Variants in NAV3 observed in about 807,000 individuals in gnomAD.
The protein encoded by NAV3 is pore membrane and/or filament interacting like protein 1.
A neutral mutation model predicts 244.7 loss-of-function variants in NAV3; 87 were observed. The ratio of observed to expected loss-of-function variants is 0.36; its 90% CI spans 0.30 to 0.42. NAV3 has a LOEUF of 0.42. Ranked by LOEUF, NAV3 falls within the 20% of genes least tolerant of loss-of-function variation. The pLI is 1.00. For missense variants in NAV3, 2,663 were observed against 2,893.3 expected (o/e 0.92, Z 1.83); for synonymous variants, 1,126 against 1,042.2 (o/e 1.08, Z -1.55).
At chr12:77,929,691 A>T (rs1238276507) in intron 1 of NAV3, among the ~76,000 whole-genome samples, 1 of 151,716 alleles carries the variant, frequency 6.6e-6, no homozygotes, top group Non-Finnish European at 1.5e-5. Flanking sequence ...ATGGTGCAGC[A>T]GCATGATCTC....
chr12:77,832,900 A>G lies in NAV3; in HGVS notation c.243+1196A>G, dbSNP rs540702014. Reference sequence around the variant, plus strand: ...CAGCCTCGTCTCTGGCTTCTTAGGAAATATTTTCATTTTACTCTGCTATCC... The same window carrying G: ...CAGCCTCGTCTCTGGCTTCTTAGGAGATATTTTCATTTTACTCTGCTATCC... On this transcript the variant is annotated intron_variant, in intron 1 of 39. Transcript: ENST00000397909. Among the ~76,000 whole-genome samples, 9 of 152,256 alleles carry G rather than the reference A, an allele frequency of 5.9e-5. No individual in the cohort carries two copies. The South Asian group carries it at 1.7e-3, about 28-fold the overall frequency.
At chr12:77,663,808 A>C (rs901147238) in intron 2 of NAV3, among the ~76,000 whole-genome samples, 1 of 152,240 alleles carries the variant, frequency 6.6e-6, no homozygotes, top group African/African-American at 2.4e-5. Context: ...GGCGTGAGCC[A>C]CCACTCCCAG....
At chr12:77,924,253 A>C (rs1266687193) in intron 1 of NAV3, among the ~76,000 whole-genome samples, 1 of 152,146 alleles carries the variant, frequency 6.6e-6, no homozygotes, top group East Asian at 1.9e-4. Context: ...CATGGGCAAA[A>C]CGAAGAATAG....
chr12:78,019,784 A>C (rs1301758500), intron 8 of NAV3, among the ~76,000 whole-genome samples: 1 of 152,044 alleles, frequency 6.6e-6, no homozygotes, highest in African/African-American at 2.4e-5. Flanking sequence ...GTTGCGTGGG[A>C]CCCAACCATG....
intron 1 of NAV3, among the ~76,000 whole-genome samples, chr12:77,877,504 A>G (rs1325755223): frequency 6.6e-6 from 1 of 152,166 alleles, no homozygotes; most frequent in Non-Finnish European, 1.5e-5. Flanking sequence ...GGATATAAAA[A>G]AGTAGGTTTA....
chr12:77,654,690 A>C (rs1287861413), intron 2 of NAV3, among the ~76,000 whole-genome samples: 1 of 152,132 alleles, frequency 6.6e-6, no homozygotes, highest in Non-Finnish European at 1.5e-5. Context: ...TGAGCAGCCT[A>C]ACTGGGAGGA....
At chr12:78,141,505 T>C in intron 20 of NAV3, among the ~76,000 whole-genome samples, 1 of 152,162 alleles carries the variant, frequency 6.6e-6, no homozygotes, top group Admixed American at 6.5e-5. Context: ...CTGAGCATCA[T>C]GGGCAGTATT....
intron 2 of NAV3, among the ~76,000 whole-genome samples, chr12:77,818,306 G>T (rs1351893647): frequency 1.3e-5 from 2 of 152,058 alleles, no homozygotes; most frequent in South Asian, 4.1e-4. Context: ...AGAGTTTGCA[G>T]AAATAAAACT....
chr12:77,583,768 T>A (rs372647600), intron 2 of NAV3, among the ~76,000 whole-genome samples: 2 of 152,300 alleles, frequency 1.3e-5, no homozygotes, highest in South Asian at 2.1e-4. Context: ...CTCTGATGAC[T>A]TTTTAGCACA....
intron 2 of NAV3, among the ~76,000 whole-genome samples, chr12:77,707,869 C>T (rs997586378): frequency 7.2e-5 from 11 of 152,092 alleles, no homozygotes; most frequent in Non-Finnish European, 1.5e-4. Context: ...TCTTTTGAGA[C>T]GTGTCTGTTC....
In NAV3 at chr12:78,164,460, C is replaced by T. The variant is rs138836695; in HGVS notation, c.4870-4295C>T. Among the ~76,000 whole-genome samples, 143 of 152,096 alleles carry T rather than the reference C, an allele frequency of 9.4e-4. 1 individual carries two copies. The highest frequency in any genetic ancestry group is 3.3e-3 in the African/African-American group (138 of 41,540). ...TCTTTGAAAATAGATAATGCTGCAA[C>T]TAAAAATTTAGTTGAATAGGATTTT... On this transcript the variant is annotated intron_variant, in intron 23 of 39. Coordinates refer to ENST00000397909, the MANE Select transcript of NAV3 (RefSeq NM_001024383.2).
chr12:77,749,361 T>G lies in NAV3; in HGVS notation c.72+177095T>G, dbSNP rs540972783. Among the ~76,000 whole-genome samples, 9 of 152,316 alleles carry G rather than the reference T, an allele frequency of 5.9e-5. No individual in the cohort carries two copies. The East Asian group carries it at 1.7e-3, about 29-fold the overall frequency. The stretch of plus-strand genomic sequence containing the variant: ...TCAGCCCTGTAATGGGGCTTAACAT[T>G]TAGAACAATTTAAAAATATTAAAAC... On this transcript the variant is annotated intron_variant, in intron 2 of 8. Coordinates refer to the NAV3 transcript ENST00000550042.
chr12:77,760,700 G>A (rs1407142085), intron 2 of NAV3, among the ~76,000 whole-genome samples: 1 of 152,130 alleles, frequency 6.6e-6, no homozygotes, highest in Non-Finnish European at 1.5e-5. Context: ...GAGTTACAGG[G>A]TAGGCTTTAG....
chr12:77,786,811 G>T (rs188227991), intron 2 of NAV3, among the ~76,000 whole-genome samples: 62 of 152,018 alleles, frequency 4.1e-4, no homozygotes, highest in Non-Finnish European at 6.2e-4. Flanking sequence ...ACCACCATGA[G>T]AATTAAGGCC....
chr12:77,589,284 G>C (rs968813327), intron 2 of NAV3, among the ~76,000 whole-genome samples: 1 of 152,010 alleles, frequency 6.6e-6, no homozygotes, highest in Admixed American at 6.5e-5. Flanking sequence ...GTCTTCTTCT[G>C]AGCCCTCCAA....
At chr12:78,150,834 G>C (rs1021890691) in intron 22 of NAV3, among the ~76,000 whole-genome samples, 8 of 151,988 alleles carry the variant, frequency 5.3e-5, no homozygotes, top group South Asian at 2.1e-4. Context: ...TCACTGATGT[G>C]TTTTCATGAC....
chr12:78,090,798 T>G (rs1455769635), intron 12 of NAV3, among the ~76,000 whole-genome samples: 1 of 152,194 alleles, frequency 6.6e-6, no homozygotes, highest in Non-Finnish European at 1.5e-5. Flanking sequence ...TTTCTAAAAT[T>G]CATTGACTTC....
In NAV3 at chr12:77,901,832, C is replaced by T. The variant is rs551869842; in HGVS notation, c.244-38487C>T. Reference sequence around the variant, plus strand: ...CTCCTCAAAGAGGAGGCATCTCTTCCTCATTAGTTTCTGTTTGGAGTCCCC... The same window carrying T: ...CTCCTCAAAGAGGAGGCATCTCTTCTTCATTAGTTTCTGTTTGGAGTCCCC... On this transcript the variant is annotated intron_variant, in intron 1 of 39. Transcript: ENST00000397909. Among the ~76,000 whole-genome samples, 7 of 152,308 alleles carry T rather than the reference C, an allele frequency of 4.6e-5. No individual in the cohort carries two copies. The South Asian group carries it at 1.0e-3, about 23-fold the overall frequency.
chr12:77,831,446 T>C lies in NAV3; in HGVS notation c.-16T>C, dbSNP rs1224258492. On this transcript the variant is annotated 5_prime_UTR_variant, in exon 1 of 40. Coordinates refer to ENST00000397909, the MANE Select transcript of NAV3 (RefSeq NM_001024383.2). Reference sequence around the variant, plus strand: ...AGCATTTTCTTTGGCAGCAAGAAGATAATTTTATAGAAGCCATGCCTGTTC... The same window carrying C: ...AGCATTTTCTTTGGCAGCAAGAAGACAATTTTATAGAAGCCATGCCTGTTC... The C allele has an allele frequency of 1.3e-6, 2 of 1,571,434 alleles. No individual in the cohort carries two copies. The highest frequency in any genetic ancestry group is 1.4e-5 in the African/African-American group (1 of 72,994).
Sources: gnomAD v4.1 joint callset for allele counts (sites outside exome capture counted in the v4.1 genomes callset) on GRCh38, gnomAD v4.1.1 for gene constraint, MANE v1.5 for transcripts, NCBI Gene and HGNC (gene_info 2026-07-23, HGNC 2026-07-21) for gene names.